The following HCN1 variants were observed in gnomAD, a reference collection of about 807,000 sequenced individuals.
HCN1 encodes the protein hyperpolarization activated cyclic nucleotide gated potassium channel 1.
HCN1 carries 13 observed loss-of-function variants against 78.9 expected under a neutral mutation model. The ratio of observed to expected loss-of-function variants is 0.16; its 90% CI spans 0.11 to 0.26. The LOEUF is 0.26. Among genes scored for constraint, HCN1 ranks in the 10% least tolerant of loss-of-function variants. The pLI, the probability that HCN1 is intolerant of heterozygous loss-of-function variation, is 1.00. For missense variants in HCN1, 810 were observed against 1,154.3 expected, an observed-to-expected ratio of 0.70 and a Z score of 4.32; for synonymous variants, 552 against 455.5, an observed-to-expected ratio of 1.21 and a Z score of -2.70.
chr5:45,331,728 C>G (rs1421562161), intron 5 of HCN1, among the ~76,000 whole-genome samples: 1 of 151,400 alleles, frequency 6.6e-6, no homozygotes, highest in Admixed American at 6.6e-5. Context: ...GCAATGACAG[C>G]AAAACCAAAC....
chr5:45,497,101 TGAG>T (rs1176953680), intron 2 of HCN1, among the ~76,000 whole-genome samples: 4 of 152,224 alleles, frequency 2.6e-5, no homozygotes, highest in Non-Finnish European at 4.4e-5. Flanking sequence ...TTAAATTTGC[TGAG>T]GAGATCTTTA....
chr5:45,592,128 C>T (rs1356410155), intron 2 of HCN1, among the ~76,000 whole-genome samples: 1 of 152,046 alleles, frequency 6.6e-6, no homozygotes, highest in Non-Finnish European at 1.5e-5. Flanking sequence ...TTTCTGGGCT[C>T]TGTATTCTAC....
intron 3 of HCN1, among the ~76,000 whole-genome samples, chr5:45,431,913 T>A (rs1740471509): frequency 6.6e-6 from 1 of 152,140 alleles, no homozygotes; most frequent in African/African-American, 2.4e-5. Flanking sequence ...CCTTGGCTAT[T>A]TAGGCTCTTT....
At chr5:45,634,106 T>G (rs1392437676) in intron 2 of HCN1, among the ~76,000 whole-genome samples, 1 of 151,968 alleles carries the variant, frequency 6.6e-6, no homozygotes, top group Non-Finnish European at 1.5e-5. Flanking sequence ...TTTAAAAATT[T>G]TTATTGCTTA....
chr5:45,419,782 T>C (rs954927235), intron 3 of HCN1, among the ~76,000 whole-genome samples: 1 of 152,204 alleles, frequency 6.6e-6, no homozygotes, highest in Non-Finnish European at 1.5e-5. Flanking sequence ...CTGTCTACAT[T>C]ACTTTCTTTT....
chr5:45,497,755 T>C (rs1394189919), intron 2 of HCN1, among the ~76,000 whole-genome samples: 2 of 152,186 alleles, frequency 1.3e-5, no homozygotes, highest in African/African-American at 4.8e-5. Flanking sequence ...AGCACTTCCT[T>C]CAGGAGCTCT....
intron 2 of HCN1, among the ~76,000 whole-genome samples, chr5:45,565,591 GGAAGGACAATTGC>G (rs985538829): frequency 6.6e-6 from 1 of 152,070 alleles, no homozygotes; most frequent in African/African-American, 2.4e-5. Context: ...GGGAGGCTGA[GGAAGGACAATTGC>G]TTAAGCCCAG....
chr5:45,289,000 C>T (rs1055445515), intron 6 of HCN1, among the ~76,000 whole-genome samples: 1 of 151,988 alleles, frequency 6.6e-6, no homozygotes, highest in African/African-American at 2.4e-5. Context: ...CATTGCCTTC[C>T]AAATGAACCT....
chr5:45,560,104 AC>A (rs1451559316), intron 2 of HCN1: 10 of 152,136 alleles, frequency 6.6e-5, no homozygotes, highest in African/African-American at 2.4e-4. Flanking sequence ...TGTACACGTA[AC>A]TTTTTTATAT....
intron 7 of HCN1, 65 bp downstream of exon 7, chr5:45,267,024 A>T: frequency 7.2e-7 from 1 of 1,383,698 alleles, no homozygotes; most frequent in Non-Finnish European, 1.0e-6. Flanking sequence ...TGGGACTTAT[A>T]ATTGCAAACC....
chr5:45,497,189 A>G (rs1043141065), intron 2 of HCN1, among the ~76,000 whole-genome samples: 7 of 152,124 alleles, frequency 4.6e-5, no homozygotes, highest in African/African-American at 1.4e-4. Context: ...TTGATTTGGG[A>G]TGGAGAATTC....
At chr5:45,517,546 A>AAAAAAAT (rs1742537376) in intron 2 of HCN1, among the ~76,000 whole-genome samples, 1 of 140,698 alleles carries the variant, frequency 7.1e-6, no homozygotes, top group Non-Finnish European at 1.6e-5. Context: ...AAAAAAAAAC[A>AAAAAAAT]TGATTTCACT....
intron 5 of HCN1, among the ~76,000 whole-genome samples, chr5:45,334,482 T>C (rs1011647842): frequency 6.6e-6 from 1 of 151,938 alleles, no homozygotes; most frequent in Admixed American, 6.6e-5. Flanking sequence ...ATTAACTATA[T>C]GTGACTTCCT....
chr5:45,373,480 A>T (rs1202344771), intron 4 of HCN1, among the ~76,000 whole-genome samples: 1 of 139,776 alleles, frequency 7.2e-6, no homozygotes, highest in East Asian at 2.1e-4. Flanking sequence ...TACATCATCT[A>T]TCATATACAA....
intron 6 of HCN1, among the ~76,000 whole-genome samples, chr5:45,297,712 A>T (rs2111895227): frequency 6.6e-6 from 1 of 152,202 alleles, no homozygotes; most frequent in Middle Eastern, 3.4e-3. Flanking sequence ...CAAAATCATG[A>T]CCAAAATATT....
chr5:45,669,069 A>C (rs561594237), intron 1 of HCN1, among the ~76,000 whole-genome samples: 1 of 151,986 alleles, frequency 6.6e-6, no homozygotes, highest in Non-Finnish European at 1.5e-5. Flanking sequence ...TCTCTATCTC[A>C]TTCCTTATAG....
chr5:45,342,508 G>A (rs1279096997), intron 5 of HCN1, among the ~76,000 whole-genome samples: 1 of 151,826 alleles, frequency 6.6e-6, no homozygotes, highest in East Asian at 1.9e-4. Flanking sequence ...AAAATGCTGG[G>A]ATTATAGGCA....
chr5:45,264,039 C>T (rs569033726), intron 7 of HCN1, among the ~76,000 whole-genome samples: 154 of 152,280 alleles, frequency 1.0e-3, no homozygotes, highest in African/African-American at 3.5e-3. Flanking sequence ...GTGATCCACC[C>T]GCCTCGGCCT....
intron 2 of HCN1, among the ~76,000 whole-genome samples, chr5:45,528,082 A>G (rs1456105816): frequency 2.0e-5 from 3 of 152,038 alleles, no homozygotes; most frequent in Non-Finnish European, 4.4e-5. Context: ...TCTTGTAAGT[A>G]AATTTAGGGT....
Sources: allele counts gnomAD v4.1 joint callset (sites outside exome capture counted in the v4.1 genomes callset), GRCh38; gene constraint gnomAD v4.1.1; transcripts MANE v1.5; gene names NCBI Gene and HGNC (gene_info 2026-07-23, HGNC 2026-07-21).